LDAF1: variants seen among roughly 807,000 people sequenced by gnomAD.
The protein encoded by LDAF1 is lipid droplet assembly factor 1.
Under a neutral mutation model 13.5 loss-of-function variants are expected in LDAF1, and 7 were observed. That is an observed-to-expected ratio of 0.52 (90% CI 0.29 to 0.97). The LOEUF (loss-of-function observed/expected upper bound fraction) is 0.97, where lower values mean the gene tolerates loss of function less well. Among genes scored for constraint, LDAF1 ranks in the 50% least tolerant of loss-of-function variants. The pLI, the probability that LDAF1 is intolerant of heterozygous loss-of-function variation, is 0.07. For synonymous variants in LDAF1, 69 were observed against 77.1 expected, an observed-to-expected ratio of 0.89 and a Z score of 0.55; for missense variants, 148 against 193.2, an observed-to-expected ratio of 0.77 and a Z score of 1.39.
intron 2 of LDAF1, among the ~76,000 whole-genome samples, chr16:21,162,870 T>C (rs1448654286): frequency 6.6e-6 from 1 of 152,244 alleles, no homozygotes; most frequent in Non-Finnish European, 1.5e-5. Context: ...CTGCAGACAC[T>C]GAATTAGCAC....
At chr16:21,163,954 G>A (rs1007348525) in intron 2 of LDAF1, among the ~76,000 whole-genome samples, 6 of 152,188 alleles carry the variant, frequency 3.9e-5, no homozygotes, top group Middle Eastern at 3.4e-3. Context: ...CACCCACTTC[G>A]GCCTCCCAAA....
intron 4 of LDAF1, among the ~76,000 whole-genome samples, 169 bp downstream of exon 4, chr16:21,174,317 G>A (rs2093119814): frequency 6.6e-6 from 1 of 152,048 alleles, no homozygotes; most frequent in Admixed American, 6.5e-5. Flanking sequence ...AGCCTCCCAA[G>A]TAGCTGGGGC....
At chr16:21,172,288 A>G (rs2093096580) in intron 3 of LDAF1, among the ~76,000 whole-genome samples, 1 of 151,948 alleles carries the variant, frequency 6.6e-6, no homozygotes, top group African/African-American at 2.4e-5. Flanking sequence ...TCTACTAAAA[A>G]TACAAAAAAT....
At chr16:21,166,924 A>C in intron 2 of LDAF1, 1 of 1,535,082 alleles carries the variant, frequency 6.5e-7, no homozygotes, top group Non-Finnish European at 8.7e-7. Flanking sequence ...GATTCCTGCT[A>C]CAGTCATCTC....
chr16:21,164,051 G>C (rs917924406), intron 2 of LDAF1, among the ~76,000 whole-genome samples: 1 of 152,130 alleles, frequency 6.6e-6, no homozygotes, highest in African/African-American at 2.4e-5. Flanking sequence ...CTGTTAGGAA[G>C]AGATAATGAA....
chr16:21,173,967 C>T (rs202175779), intron 3 of LDAF1, 43 bp from the exon 4 acceptor site: 1 of 1,582,528 alleles, frequency 6.3e-7, no homozygotes, highest in Non-Finnish European at 8.6e-7. Flanking sequence ...AGTTTTCAAC[C>T]TGTTTGAGAT....
chr16:21,165,604 A>C (rs1164765516), intron 2 of LDAF1: 1 of 983,790 alleles, frequency 1.0e-6, no homozygotes, highest in Non-Finnish European at 1.2e-6. Flanking sequence ...ACTTGACCAC[A>C]GTATATCTTG....
At chr16:21,170,626 C>T in intron 3 of LDAF1, 21 bp downstream of exon 3, 1 of 1,613,082 alleles carries the variant, frequency 6.2e-7, no homozygotes, top group Non-Finnish European at 8.5e-7. Flanking sequence ...CCGTCATTCA[C>T]CCCTTTAGAA....
At chr16:21,166,585 C>T (rs1236570140) in intron 2 of LDAF1, among the ~76,000 whole-genome samples, 1 of 152,226 alleles carries the variant, frequency 6.6e-6, no homozygotes, top group Non-Finnish European at 1.5e-5. Flanking sequence ...TCACAAGTTC[C>T]TTCCGCTGCA....
intron 2 of LDAF1, among the ~76,000 whole-genome samples, chr16:21,164,119 C>T (rs2093002666): frequency 6.6e-6 from 1 of 152,200 alleles, no homozygotes; most frequent in Non-Finnish European, 1.5e-5. Flanking sequence ...CTGAATCATC[C>T]AAGTTTCAGT....
At chr16:21,165,182 G>A (rs558108388) in intron 2 of LDAF1, among the ~76,000 whole-genome samples, 2 of 152,282 alleles carry the variant, frequency 1.3e-5, no homozygotes, top group South Asian at 2.1e-4. Flanking sequence ...TAAGAATGGC[G>A]GGGCATGGTG....
At chr16:21,172,909 G>T in intron 3 of LDAF1, 2 of 857,094 alleles carry the variant, frequency 2.3e-6, no homozygotes, top group Non-Finnish European at 2.8e-6. Flanking sequence ...AGGAGCACTG[G>T]GCTAACTGGC....
At position 21,158,754 on chromosome 16, in the gene LDAF1, C is replaced by T. The variant is rs2092920200; in HGVS notation, c.-99+8C>T. The T allele has an allele frequency of 6.5e-6, 1 of 154,002 alleles. No individual in the cohort carries two copies. Among genetic ancestry groups the T allele is most frequent in the African/African-American group, 2.4e-5 (1 of 41,432 alleles). 9.5% of individuals were successfully genotyped at this position (154,002 alleles called of 1,614,324 possible). ...CTCGGCGGTCAGGAGCAGGTGAGAG[C>T]TCGGAGCTTGGGGGTGGGGGTCCGG... On this transcript the variant is annotated splice_region_variant and intron_variant, in intron 1 of 4. Coordinates refer to ENST00000233047, the MANE Select transcript of LDAF1 (RefSeq NM_001301771.2).
chr16:21,168,177 G>GC (rs1252453315), intron 2 of LDAF1, among the ~76,000 whole-genome samples: 2 of 151,856 alleles, frequency 1.3e-5, no homozygotes, highest in Non-Finnish European at 2.9e-5. Context: ...ACCATGCCTG[G>GC]CTGATTTTTG....
intron 1 of LDAF1, among the ~76,000 whole-genome samples, chr16:21,160,736 A>C (rs1392251841): frequency 1.3e-5 from 2 of 152,212 alleles, no homozygotes; most frequent in Non-Finnish European, 2.9e-5. Context: ...TCACATCACT[A>C]AACAGTCACA....
intron 1 of LDAF1, chr16:21,159,228 C>T: frequency 2.7e-6 from 3 of 1,097,074 alleles, no homozygotes; most frequent in Non-Finnish European, 2.8e-6. Flanking sequence ...TCAAAGGGGG[C>T]TTCTTTACCC....
intron 2 of LDAF1, chr16:21,170,235 T>C: frequency 1.1e-6 from 1 of 905,962 alleles, no homozygotes; most frequent in Non-Finnish European, 1.3e-6. Flanking sequence ...GCTCCCAACC[T>C]CAGGTGATCC....
chr16:21,162,653 A>G (rs1202195721), intron 2 of LDAF1, among the ~76,000 whole-genome samples: 1 of 152,188 alleles, frequency 6.6e-6, no homozygotes, highest in Non-Finnish European at 1.5e-5. Flanking sequence ...TTTGCAATCT[A>G]CAACAATAAA....
intron 1 of LDAF1, chr16:21,159,262 A>G: frequency 2.9e-6 from 4 of 1,377,874 alleles, no homozygotes; most frequent in Non-Finnish European, 3.1e-6. Flanking sequence ...TAAGTACTCG[A>G]CTCCCCTCTG....
Sources: gnomAD v4.1 joint callset for allele counts (sites outside exome capture counted in the v4.1 genomes callset) on GRCh38, gnomAD v4.1.1 for gene constraint, MANE v1.5 for transcripts, NCBI Gene and HGNC (gene_info 2026-07-23, HGNC 2026-07-21) for gene names.